The following ERBB4 variants were observed in gnomAD, a reference collection of about 807,000 sequenced individuals.
The protein encoded by ERBB4 is receptor tyrosine-protein kinase erbB-4.
In ERBB4, 42 loss-of-function variants were observed where a neutral mutation model predicts 158.0. That is an observed-to-expected ratio of 0.27 (90% CI 0.21 to 0.34). ERBB4 has a LOEUF of 0.34. Ranked by LOEUF, ERBB4 falls within the 10% of genes least tolerant of loss-of-function variation. The probability of loss-of-function intolerance (pLI) is 1.00; values close to 1 mark genes in which losing one functional copy is unlikely to be tolerated. For missense variants in ERBB4, 1,333 were observed against 1,624.1 expected (o/e 0.82, Z 3.08); for synonymous variants, 583 against 558.7 (o/e 1.04, Z -0.61).
At chr2:212,538,026 A>G (rs1383053674) in intron 1 of ERBB4, among the ~76,000 whole-genome samples, 1 of 152,072 alleles carries the variant, frequency 6.6e-6, no homozygotes, top group East Asian at 1.9e-4. Flanking sequence ...TCGGCTCGGG[A>G]GAGGCCCAGC....
At chr2:211,717,545 C>G (rs1414391777) in intron 7 of ERBB4, among the ~76,000 whole-genome samples, 1 of 152,110 alleles carries the variant, frequency 6.6e-6, no homozygotes, top group Non-Finnish European at 1.5e-5. Flanking sequence ...ATCTACCCCT[C>G]TCGGCCTGGT....
At chr2:212,448,243 C>T (rs116230335) in intron 1 of ERBB4, among the ~76,000 whole-genome samples, 61 of 152,252 alleles carry the variant, frequency 4.0e-4, no homozygotes, top group African/African-American at 1.4e-3. Context: ...TTTGTCCCTA[C>T]TGTTTTGTGT....
chr2:211,762,523 C>T (rs1267184603), intron 4 of ERBB4, among the ~76,000 whole-genome samples: 1 of 152,102 alleles, frequency 6.6e-6, no homozygotes, highest in Non-Finnish European at 1.5e-5. Flanking sequence ...GAAACAGAAA[C>T]CCATGGATGG....
chr2:211,451,025 T>A (rs2064233481), intron 20 of ERBB4, among the ~76,000 whole-genome samples: 1 of 152,222 alleles, frequency 6.6e-6, no homozygotes, highest in African/African-American at 2.4e-5. Flanking sequence ...TGTACGATAG[T>A]TAAGATCGTG....
chr2:212,142,698 C>T (rs2080524915), intron 1 of ERBB4, among the ~76,000 whole-genome samples: 1 of 150,524 alleles, frequency 6.6e-6, no homozygotes, highest in Non-Finnish European at 1.5e-5. Context: ...AATTCTCAAA[C>T]GTTAGAGACA....
intron 1 of ERBB4, among the ~76,000 whole-genome samples, chr2:212,248,420 A>C (rs1300965877): frequency 6.6e-6 from 1 of 152,144 alleles, no homozygotes; most frequent in Non-Finnish European, 1.5e-5. Flanking sequence ...TACTTGGTTT[A>C]TGGCATGGCT....
intron 2 of ERBB4, among the ~76,000 whole-genome samples, chr2:211,980,612 T>C (rs1260549577): frequency 2.6e-5 from 4 of 152,166 alleles, no homozygotes; most frequent in African/African-American, 9.7e-5. Context: ...GTACCTGTTG[T>C]TATTTGTACA....
chr2:212,208,926 T>A (rs2082848274), intron 1 of ERBB4, among the ~76,000 whole-genome samples: 1 of 152,168 alleles, frequency 6.6e-6, no homozygotes, highest in Non-Finnish European at 1.5e-5. Context: ...AGGAAACTAT[T>A]CAGAGTTTCA....
chr2:212,480,528 T>C (rs1256856369), intron 1 of ERBB4, among the ~76,000 whole-genome samples: 8 of 152,244 alleles, frequency 5.3e-5, no homozygotes, highest in Admixed American at 5.2e-4. Context: ...AGAGCTACTC[T>C]ATTCTTATCC....
intron 20 of ERBB4, among the ~76,000 whole-genome samples, chr2:211,501,003 T>C (rs2065600791): frequency 1.3e-5 from 2 of 152,032 alleles, no homozygotes; most frequent in African/African-American, 4.8e-5. Flanking sequence ...GACATACATA[T>C]GTCATTGGAA....
intron 27 of ERBB4, among the ~76,000 whole-genome samples, chr2:211,385,363 T>A (rs1559114735): frequency 6.6e-6 from 1 of 152,150 alleles, no homozygotes; most frequent in East Asian, 1.9e-4. Flanking sequence ...TTAAATGATG[T>A]GTGCAGGATA....
At chr2:211,659,300 T>C (rs1027215093) in intron 15 of ERBB4, among the ~76,000 whole-genome samples, 8 of 152,042 alleles carry the variant, frequency 5.3e-5, no homozygotes, top group Non-Finnish European at 8.8e-5. Flanking sequence ...AGAATACACC[T>C]GTATGAAAAG....
At chr2:212,084,505 C>A (rs1300574473) in intron 2 of ERBB4, among the ~76,000 whole-genome samples, 1 of 151,972 alleles carries the variant, frequency 6.6e-6, no homozygotes, top group African/African-American at 2.4e-5. Flanking sequence ...TCATTGTGAA[C>A]AAATTTGATT....
At chr2:211,967,000 G>A (rs1345919129) in intron 2 of ERBB4, among the ~76,000 whole-genome samples, 1 of 152,076 alleles carries the variant, frequency 6.6e-6, no homozygotes, top group Admixed American at 6.5e-5. Flanking sequence ...ATATAATGTG[G>A]TAATTATTAA....
chr2:211,985,759 A>G (rs1204298620), intron 2 of ERBB4, among the ~76,000 whole-genome samples: 2 of 152,088 alleles, frequency 1.3e-5, no homozygotes, highest in Non-Finnish European at 2.9e-5. Context: ...AAAAATACTC[A>G]AATAATTCCA....
At chr2:211,515,913 T>TATATA (rs71054105) in intron 20 of ERBB4, among the ~76,000 whole-genome samples, 18 of 57,370 alleles carry the variant, frequency 3.1e-4, no homozygotes, top group African/African-American at 1.9e-3. Context: ...TATATATATA[T>TATATA]TTTTTTTTTT....
chr2:212,016,011 G>A (rs78302436), intron 2 of ERBB4, among the ~76,000 whole-genome samples: 1,535 of 149,458 alleles, frequency 0.01, 19 homozygotes, highest in African/African-American at 0.034. Flanking sequence ...TTTTTATAGC[G>A]TAGGACTACT....
chr2:211,415,168 G>C (rs1462167837), intron 25 of ERBB4, among the ~76,000 whole-genome samples: 1 of 134,946 alleles, frequency 7.4e-6, no homozygotes, highest in Non-Finnish European at 1.5e-5. Flanking sequence ...CCAGGCTGGA[G>C]TGCAGTGGCG....
At chr2:211,892,168 G>C (rs1195082986) in intron 3 of ERBB4, among the ~76,000 whole-genome samples, 1 of 116,614 alleles carries the variant, frequency 8.6e-6, no homozygotes, top group Non-Finnish European at 1.7e-5. Context: ...ATAAAATACT[G>C]GCAAAACGAA....
Sources: allele counts gnomAD v4.1 joint callset (sites outside exome capture counted in the v4.1 genomes callset), GRCh38; gene constraint gnomAD v4.1.1; transcripts MANE v1.5; gene names NCBI Gene and HGNC (gene_info 2026-07-23, HGNC 2026-07-21).